Variants in MGAT4C observed in about 807,000 individuals in gnomAD.
MGAT4C encodes the protein MGAT4 family member C, also known as alpha-1,3-mannosyl-glycoprotein 4-beta-N-acetylglucosaminyltransferase C.
Under a neutral mutation model 40.1 loss-of-function variants are expected in MGAT4C, and 19 were observed. The observed-to-expected ratio is 0.47, with a 90% CI of 0.33 to 0.70. MGAT4C has a LOEUF of 0.70. Ranked by LOEUF, MGAT4C falls within the 30% of genes least tolerant of loss-of-function variation. The pLI is 0.02. For synonymous variants in MGAT4C, 181 were observed against 187.1 expected (o/e 0.97, Z 0.27); for missense variants, 491 against 563.2 (o/e 0.87, Z 1.30).
intron 1 of MGAT4C, among the ~76,000 whole-genome samples, chr12:86,774,319 C>CTTTCTCTCTTTCTTTCTTTCT (rs1951702117): frequency 7.5e-5 from 7 of 93,620 alleles, no homozygotes; most frequent in Admixed American, 2.4e-4. Context: ...TTCTTTCTTT[C>CTTTCTCTCTTTCTTTCTTTCT]TTTCTTTCTT....
At chr12:86,502,511 A>G (rs1172293121) in intron 2 of MGAT4C, among the ~76,000 whole-genome samples, 2 of 151,838 alleles carry the variant, frequency 1.3e-5, no homozygotes, top group African/African-American at 2.4e-5. Flanking sequence ...ACTTTGGTCA[A>G]TAATAGCATA....
intron 2 of MGAT4C, among the ~76,000 whole-genome samples, chr12:86,719,811 A>T (rs1238566503): frequency 6.6e-6 from 1 of 152,200 alleles, no homozygotes; most frequent in Non-Finnish European, 1.5e-5. Context: ...TTAATGTGCA[A>T]TTCTTTCTAT....
At chr12:86,064,043 A>T (rs1026320185) in intron 1 of MGAT4C, among the ~76,000 whole-genome samples, 1 of 152,230 alleles carries the variant, frequency 6.6e-6, no homozygotes, top group Non-Finnish European at 1.5e-5. Flanking sequence ...CTCTGGACCA[A>T]GCAGTGCTAA....
chr12:85,980,714 A>G (rs968992210), intron 4 of MGAT4C, among the ~76,000 whole-genome samples: 30 of 152,296 alleles, frequency 2.0e-4, no homozygotes, highest in African/African-American at 7.0e-4. Flanking sequence ...AATTCTAAAA[A>G]CATGGTTTAA....
At chr12:86,809,035 G>C (rs1952419884) in intron 1 of MGAT4C, among the ~76,000 whole-genome samples, 1 of 152,004 alleles carries the variant, frequency 6.6e-6, no homozygotes, top group Non-Finnish European at 1.5e-5. Context: ...ATTCACAATT[G>C]CTACAAAGAG....
rs545773289 is a variant in MGAT4C, at chr12:86,368,314, T to C, written c.-119-34187A>G. On this transcript the variant is annotated intron_variant, in intron 3 of 7. Coordinates refer to the MGAT4C transcript ENST00000548651. ...AATGAGAAATTTTAGTCATGTTAAA[T>C]GTTTGTTGATTTTATCTTTCAGCAT... 6.6e-5 allele frequency among the ~76,000 whole-genome samples: 10 copies of C among 152,300 alleles called. No individual in the cohort carries two copies. The South Asian group carries it at 1.7e-3, about 25-fold the overall frequency.
intron 1 of MGAT4C, among the ~76,000 whole-genome samples, chr12:86,112,389 A>G (rs1877600409): frequency 6.6e-6 from 1 of 151,298 alleles, no homozygotes; most frequent in South Asian, 2.1e-4. Flanking sequence ...ATCTTTCTCT[A>G]CAGAGACAGT....
At chr12:86,091,259 G>A (rs1872830119) in intron 1 of MGAT4C, among the ~76,000 whole-genome samples, 1 of 151,968 alleles carries the variant, frequency 6.6e-6, no homozygotes, top group Non-Finnish European at 1.5e-5. Flanking sequence ...CCTAAGATTT[G>A]AGTAAATGAG....
At chr12:86,673,436 C>T (rs1964311668) in intron 2 of MGAT4C, among the ~76,000 whole-genome samples, 1 of 152,138 alleles carries the variant, frequency 6.6e-6, no homozygotes, top group Admixed American at 6.6e-5. Context: ...GTAAGCATAA[C>T]ACACATGCGC....
intron 4 of MGAT4C, among the ~76,000 whole-genome samples, chr12:86,320,761 T>C (rs1274452419): frequency 1.3e-5 from 2 of 152,160 alleles, no homozygotes; most frequent in Non-Finnish European, 1.5e-5. Flanking sequence ...TTATGATTTA[T>C]CTGTCATTAA....
intron 3 of MGAT4C, among the ~76,000 whole-genome samples, chr12:86,402,114 T>C (rs1362730403): frequency 2.0e-5 from 3 of 151,982 alleles, no homozygotes; most frequent in African/African-American, 7.3e-5. Context: ...GTGTCGTCTA[T>C]TTAAAACACA....
At chr12:86,626,948 G>A (rs1420453695) in intron 2 of MGAT4C, among the ~76,000 whole-genome samples, 2 of 152,184 alleles carry the variant, frequency 1.3e-5, no homozygotes, top group African/African-American at 2.4e-5. Context: ...AGGGGTTGGG[G>A]GATTTCCCTT....
chr12:86,558,329 T>C (rs1959708195), intron 2 of MGAT4C, among the ~76,000 whole-genome samples: 1 of 152,142 alleles, frequency 6.6e-6, no homozygotes, highest in South Asian at 2.1e-4. Flanking sequence ...TTACAAGTGA[T>C]ATTGATATCT....
chr12:86,603,264 T>A (rs1961853162), intron 2 of MGAT4C, among the ~76,000 whole-genome samples: 1 of 143,514 alleles, frequency 7.0e-6, no homozygotes, highest in South Asian at 2.1e-4. Flanking sequence ...ACTATATAAC[T>A]ATAATATAAT....
rs142674910 is a variant in MGAT4C at position 86,817,892 on chromosome 12, C to G, written c.-262+20774G>C. Among the ~76,000 whole-genome samples, 26 of 151,368 alleles carry G rather than the reference C, an allele frequency of 1.7e-4. No individual in the cohort carries two copies. The South Asian group carries it at 3.5e-3, about 21-fold the overall frequency. The stretch of plus-strand genomic sequence containing the variant: ...ATAGAGTGTGGGCCTTTTAAACTGC[C>G]TAAAGCAGGAATTTGAACTGGTTCC... On this transcript the variant is annotated intron_variant, in intron 1 of 7. Transcript: ENST00000548651.
chr12:86,506,725 C>A (rs1958478326), intron 2 of MGAT4C, among the ~76,000 whole-genome samples: 1 of 152,162 alleles, frequency 6.6e-6, no homozygotes, highest in African/African-American at 2.4e-5. Context: ...CAGAATTAGT[C>A]TAGTAGTTCC....
chr12:86,104,158 A>G (rs1875672340), intron 1 of MGAT4C, among the ~76,000 whole-genome samples: 2 of 151,726 alleles, frequency 1.3e-5, no homozygotes, highest in South Asian at 2.1e-4. Context: ...CATTGTCTCT[A>G]AAGCCTGTAA....
chr12:86,644,426 A>G (rs534885251), intron 2 of MGAT4C, among the ~76,000 whole-genome samples: 2 of 151,940 alleles, frequency 1.3e-5, no homozygotes, highest in African/African-American at 4.8e-5. Context: ...ATAGAATTTT[A>G]AGAATAGTAA....
chr12:86,489,583 T>C (rs1351756591), intron 2 of MGAT4C, among the ~76,000 whole-genome samples: 1 of 152,208 alleles, frequency 6.6e-6, no homozygotes, highest in Non-Finnish European at 1.5e-5. Context: ...GGCATTGGGA[T>C]CACAGGCACC....
Sources: allele counts gnomAD v4.1 joint callset (sites outside exome capture counted in the v4.1 genomes callset), GRCh38; gene constraint gnomAD v4.1.1; transcripts MANE v1.5; gene names NCBI Gene and HGNC (gene_info 2026-07-23, HGNC 2026-07-21).